TCF12: variants seen among roughly 807,000 people sequenced by gnomAD.
TCF12 encodes DNA-binding protein HTF4.
A neutral mutation model predicts 86.0 loss-of-function variants in TCF12; 45 were observed. The ratio of observed to expected loss-of-function variants is 0.52; its 90% CI spans 0.41 to 0.67. The LOEUF is 0.67. Among genes scored for constraint, TCF12 ranks in the 30% least tolerant of loss-of-function variants. The pLI is 0.00. For synonymous variants in TCF12, 330 were observed against 299.6 expected (o/e 1.10, Z -1.05); for missense variants, 881 against 859.9 (o/e 1.02, Z -0.31).
intron 11 of TCF12, among the ~76,000 whole-genome samples, chr15:57,233,242 G>T (rs571671002): frequency 9.5e-4 from 145 of 151,852 alleles, no homozygotes; most frequent in African/African-American, 3.4e-3. Flanking sequence ...GCACAGTCAT[G>T]GCTCACTGCA....
At chr15:57,113,264 C>CT (rs1441601814) in intron 5 of TCF12, among the ~76,000 whole-genome samples, 6 of 152,204 alleles carry the variant, frequency 3.9e-5, no homozygotes, top group Non-Finnish European at 8.8e-5. Context: ...TTAGCTTATG[C>CT]TTGACATCTG....
intron 16 of TCF12, among the ~76,000 whole-genome samples, chr15:57,254,301 T>C (rs2060247311): frequency 6.6e-6 from 1 of 152,196 alleles, no homozygotes; most frequent in Admixed American, 6.5e-5. Context: ...TGAAGGCTTG[T>C]ATTCTGTAAG....
chr15:57,210,643 T>C (rs1315998186), intron 8 of TCF12, among the ~76,000 whole-genome samples: 1 of 152,174 alleles, frequency 6.6e-6, no homozygotes, highest in East Asian at 1.9e-4. Flanking sequence ...ATAATCTTTA[T>C]TCCCATTTTA....
At chr15:57,211,341 G>T (rs1293841973) in intron 8 of TCF12, among the ~76,000 whole-genome samples, 1 of 152,090 alleles carries the variant, frequency 6.6e-6, no homozygotes, top group Non-Finnish European at 1.5e-5. Flanking sequence ...GAGGTGGGAG[G>T]ATTGCTTGAG....
intron 2 of TCF12, among the ~76,000 whole-genome samples, chr15:56,920,767 A>G (rs999357662): frequency 1.3e-5 from 2 of 152,184 alleles, no homozygotes; most frequent in African/African-American, 4.8e-5. Flanking sequence ...GTGTAATACT[A>G]TACTGTTTAA....
chr15:57,193,295 T>C (rs759074992), intron 7 of TCF12, among the ~76,000 whole-genome samples: 30 of 152,350 alleles, frequency 2.0e-4, no homozygotes, highest in South Asian at 6.2e-4. Flanking sequence ...TATTAAGTTG[T>C]ACAGTTGAGT....
intron 5 of TCF12, among the ~76,000 whole-genome samples, chr15:57,140,744 A>G (rs1404571859): frequency 6.6e-6 from 1 of 152,226 alleles, no homozygotes; most frequent in Non-Finnish European, 1.5e-5. Context: ...TTTATATTTG[A>G]GGAAACTGAT....
chr15:56,942,393 T>C (rs2060818830), intron 3 of TCF12, among the ~76,000 whole-genome samples: 1 of 152,210 alleles, frequency 6.6e-6, no homozygotes, highest in African/African-American at 2.4e-5. Context: ...GACTATCTCA[T>C]TGATGTTTAA....
upstream of TCF12, chr15:56,918,397 C>T (rs769108902): frequency 8.1e-6 from 3 of 368,386 alleles, no homozygotes; most frequent in Non-Finnish European, 1.6e-5. Context: ...GACGAGGCTT[C>T]GTCGGCGAGC....
At chr15:57,038,793 T>C (rs1024927265) in intron 3 of TCF12, among the ~76,000 whole-genome samples, 2 of 152,234 alleles carry the variant, frequency 1.3e-5, no homozygotes, top group Non-Finnish European at 2.9e-5. Flanking sequence ...CATTTTTCTT[T>C]AGCTAGTCCT....
intron 3 of TCF12, among the ~76,000 whole-genome samples, chr15:56,963,269 A>G (rs2061853627): frequency 3.9e-5 from 6 of 152,136 alleles, no homozygotes; most frequent in Admixed American, 3.9e-4. Flanking sequence ...AGATGAAAAA[A>G]CAATTTCTTT....
At chr15:57,210,169 T>A (rs2151813908) in intron 8 of TCF12, among the ~76,000 whole-genome samples, 1 of 152,222 alleles carries the variant, frequency 6.6e-6, no homozygotes, top group Non-Finnish European at 1.5e-5. Context: ...TTATGTTGTT[T>A]ATTGCACCTG....
intron 3 of TCF12, among the ~76,000 whole-genome samples, chr15:57,021,744 A>G (rs2065496527): frequency 6.7e-6 from 1 of 149,502 alleles, no homozygotes; most frequent in Non-Finnish European, 1.5e-5. Context: ...TTATACTTAG[A>G]TTTTTTTTTT....
In TCF12 at chr15:56,955,640, T is replaced by A. The variant is rs569683858; in HGVS notation, c.148+34542T>A. ...GAGTGATTTTAAATGTATTGAGTCT[T>A]GTTTTATGGTTTGAAATATGGTTTG... On this transcript the variant is annotated intron_variant, in intron 3 of 20. Coordinates refer to ENST00000333725, the MANE Select transcript of TCF12 (RefSeq NM_207037.2). Among the ~76,000 whole-genome samples, 6 of 152,342 alleles carry A rather than the reference T, an allele frequency of 3.9e-5. No individual in the cohort carries two copies. In the East Asian group the frequency reaches 1.2e-3, roughly 29 times the overall value.
Position 57,063,824 on chromosome 15 carries a change from G to T in TCF12, c.222+1G>T. 1 of 1,583,346 alleles carries T rather than the reference G, an allele frequency of 6.3e-7. No homozygotes were observed. Among genetic ancestry groups the T allele is most frequent in the East Asian group, 2.3e-5 (1 of 44,442 alleles). On this transcript the variant is annotated splice_donor_variant, in intron 4 of 20. Transcript: ENST00000333725. LOFTEE classifies it high-confidence loss of function. ...AAGTCCTTCCTATGATTCATCTAGAGTAAGTTTGCTGATCAACCCTTGATT... is the reference window on the plus strand; with the variant it reads ...AAGTCCTTCCTATGATTCATCTAGATTAAGTTTGCTGATCAACCCTTGATT...
intron 3 of TCF12, among the ~76,000 whole-genome samples, chr15:56,964,445 C>G (rs1463218361): frequency 6.6e-6 from 1 of 152,180 alleles, no homozygotes; most frequent in Non-Finnish European, 1.5e-5. Context: ...TCTCAACTTT[C>G]ACTCCTGGTT....
chr15:56,976,008 T>A, intron 3 of TCF12, among the ~76,000 whole-genome samples: 1 of 151,828 alleles, frequency 6.6e-6, no homozygotes, highest in East Asian at 1.9e-4. Context: ...GGAATAAAGA[T>A]GATATTTGCA....
intron 5 of TCF12, among the ~76,000 whole-genome samples, chr15:57,161,606 C>T (rs1180220381): frequency 6.6e-6 from 1 of 152,086 alleles, no homozygotes; most frequent in East Asian, 1.9e-4. Flanking sequence ...AGTTGGGTTT[C>T]TTAACCTGGA....
At chr15:57,062,021 A>G (rs1011191869) in intron 3 of TCF12, among the ~76,000 whole-genome samples, 5 of 151,988 alleles carry the variant, frequency 3.3e-5, no homozygotes, top group African/African-American at 9.7e-5. Flanking sequence ...CAGTGGCACA[A>G]TCTCGGCTCA....
Sources: gnomAD v4.1 joint callset for allele counts (sites outside exome capture counted in the v4.1 genomes callset) on GRCh38, gnomAD v4.1.1 for gene constraint, MANE v1.5 for transcripts, NCBI Gene and HGNC (gene_info 2026-07-23, HGNC 2026-07-21) for gene names.